Variants in RBFOX3 observed in about 807,000 individuals in gnomAD.
RBFOX3 encodes the protein RNA binding protein fox-1 homolog 3.
In RBFOX3, 17 loss-of-function variants were observed where a neutral mutation model predicts 48.7. The ratio of observed to expected loss-of-function variants is 0.35; its 90% CI spans 0.24 to 0.52. The LOEUF (loss-of-function observed/expected upper bound fraction) is 0.52, where lower values mean the gene tolerates loss of function less well. Ranked by LOEUF, RBFOX3 falls within the 20% of genes least tolerant of loss-of-function variation. RBFOX3 has a pLI of 0.94. For missense variants in RBFOX3, 382 were observed against 497.5 expected, an observed-to-expected ratio of 0.77 and a Z score of 2.21; for synonymous variants, 212 against 209.5, an observed-to-expected ratio of 1.01 and a Z score of -0.10.
intron 3 of RBFOX3, among the ~76,000 whole-genome samples, chr17:79,304,727 G>A (rs1170038790): frequency 1.3e-5 from 2 of 152,176 alleles, no homozygotes; most frequent in African/African-American, 4.8e-5. Context: ...CCCCAGGGGA[G>A]AAAAGATGAT....
chr17:79,211,446 C>A (rs904682609), intron 4 of RBFOX3, among the ~76,000 whole-genome samples: 3 of 152,210 alleles, frequency 2.0e-5, no homozygotes, highest in African/African-American at 7.2e-5. Context: ...CAACTTCTTT[C>A]CATAATTAAG....
intron 2 of RBFOX3, among the ~76,000 whole-genome samples, chr17:79,454,635 C>T (rs2074166710): frequency 6.6e-6 from 1 of 152,192 alleles, no homozygotes; most frequent in Non-Finnish European, 1.5e-5. Context: ...TGCATTACCA[C>T]ACAGGGAGAA....
chr17:79,386,953 T>C (rs374231620), intron 2 of RBFOX3, among the ~76,000 whole-genome samples: 140 of 152,346 alleles, frequency 9.2e-4, no homozygotes, highest in Middle Eastern at 3.4e-3. Context: ...AACTCAGAAT[T>C]GGAAGGTAGA....
At chr17:79,229,870 G>C (rs1296626174) in intron 4 of RBFOX3, among the ~76,000 whole-genome samples, 1 of 152,202 alleles carries the variant, frequency 6.6e-6, no homozygotes, top group African/African-American at 2.4e-5. Flanking sequence ...CTGTAGAATA[G>C]GGACACCATT....
At chr17:79,645,983 C>T in the RBFOX3 span, among the ~76,000 whole-genome samples, 16 of 152,294 alleles carry the variant, frequency 1.1e-4, no homozygotes, top group Middle Eastern at 0.01. Flanking sequence ...CCTCTCTTTA[C>T]ATCCACCTCT....
At chr17:79,447,712 C>G (rs782347857) in intron 2 of RBFOX3, among the ~76,000 whole-genome samples, 1 of 152,218 alleles carries the variant, frequency 6.6e-6, no homozygotes, top group Non-Finnish European at 1.5e-5. Context: ...GGCTCCTTCT[C>G]TCTCTGAAGC....
chr17:79,173,940 C>T (rs985369622), intron 4 of RBFOX3, among the ~76,000 whole-genome samples: 3 of 151,796 alleles, frequency 2.0e-5, no homozygotes, highest in Non-Finnish European at 4.4e-5. Flanking sequence ...GGGGTGTCAG[C>T]GACCTCTTAG....
the RBFOX3 span, among the ~76,000 whole-genome samples, chr17:79,664,893 C>T: frequency 1.3e-5 from 2 of 152,256 alleles, no homozygotes; most frequent in Admixed American, 1.3e-4. Flanking sequence ...TTTCACTTAG[C>T]ATAATGTCCT....
chr17:79,450,041 CAGAA>C (rs2073171172), intron 2 of RBFOX3, among the ~76,000 whole-genome samples: 1 of 152,084 alleles, frequency 6.6e-6, no homozygotes, highest in South Asian at 2.1e-4. Context: ...TGTGAAGAGG[CAGAA>C]AGAGAGACCG....
intron 2 of RBFOX3, among the ~76,000 whole-genome samples, chr17:79,406,198 C>T (rs2063511117): frequency 6.6e-6 from 1 of 152,162 alleles, no homozygotes; most frequent in South Asian, 2.1e-4. Flanking sequence ...ATTATTTTCT[C>T]ATTCTTTATG....
chr17:79,107,382 C>T (rs1359615884), intron 5 of RBFOX3, among the ~76,000 whole-genome samples: 2 of 152,330 alleles, frequency 1.3e-5, no homozygotes, highest in South Asian at 2.1e-4. Context: ...CAAGTCCAGT[C>T]CTCTATAGCC....
At chr17:79,505,569 T>G (rs1419900181) in intron 1 of RBFOX3, among the ~76,000 whole-genome samples, 1 of 152,196 alleles carries the variant, frequency 6.6e-6, no homozygotes, top group Non-Finnish European at 1.5e-5. Context: ...TGGCGGAGTC[T>G]GCTTCTGGGA....
chr17:79,526,338 C>T (rs943832530), intron 1 of RBFOX3, among the ~76,000 whole-genome samples: 21 of 152,318 alleles, frequency 1.4e-4, no homozygotes, highest in Admixed American at 7.8e-4. Context: ...ATCTACGAAA[C>T]GGGACCAGGC....
the RBFOX3 span, among the ~76,000 whole-genome samples, chr17:79,616,236 G>C: frequency 6.6e-6 from 1 of 152,092 alleles, no homozygotes; most frequent in Non-Finnish European, 1.5e-5. Flanking sequence ...TAACCTCCTT[G>C]TTAAGAATGG....
intron 3 of RBFOX3, among the ~76,000 whole-genome samples, chr17:79,274,795 G>A (rs2068420856): frequency 6.6e-6 from 1 of 152,010 alleles, no homozygotes; most frequent in African/African-American, 2.4e-5. Context: ...GGCACGCTTG[G>A]CTCCTGCCCA....
In RBFOX3 at chr17:79,481,997, G is replaced by A. The variant is rs2078849753; in HGVS notation, c.-175+457C>T. Among the ~76,000 whole-genome samples, 1 of 152,106 alleles carries A rather than the reference G, an allele frequency of 6.6e-6. No individual in the cohort carries two copies. The highest frequency in any genetic ancestry group is 6.5e-5 in the Admixed American group (1 of 15,274). On this transcript the variant is annotated intron_variant, in intron 2 of 14. Coordinates refer to ENST00000693108, the MANE Select transcript of RBFOX3 (RefSeq NM_001350451.2). The surrounding 1 kb of genome is among the most constrained non-coding windows in gnomAD (Gnocchi z 5.4). ...GAACGGCAGTCACCCTCTCGGGGTGGGAACAGAGGCATCATGCCGTCCCCT... is the reference window on the plus strand; with the variant it reads ...GAACGGCAGTCACCCTCTCGGGGTGAGAACAGAGGCATCATGCCGTCCCCT...
At chr17:79,378,467 A>G (rs1283232590) in intron 2 of RBFOX3, among the ~76,000 whole-genome samples, 1 of 152,224 alleles carries the variant, frequency 6.6e-6, no homozygotes, top group Non-Finnish European at 1.5e-5. Flanking sequence ...AGAGCATTAA[A>G]AAATATCGCA....
At chr17:79,315,869 G>C (rs937756027) in intron 2 of RBFOX3, among the ~76,000 whole-genome samples, 5 of 152,202 alleles carry the variant, frequency 3.3e-5, no homozygotes, top group African/African-American at 1.2e-4. Flanking sequence ...GAAGGGGCTG[G>C]GGAGAGGCCT....
chr17:79,239,992 T>C (rs1357205894), intron 3 of RBFOX3, among the ~76,000 whole-genome samples: 2 of 152,338 alleles, frequency 1.3e-5, no homozygotes, highest in Admixed American at 1.3e-4. Flanking sequence ...GGCCCCTTGA[T>C]TCCACCTGGC....
Sources: gnomAD v4.1 joint callset for allele counts (sites outside exome capture counted in the v4.1 genomes callset) on GRCh38, gnomAD v4.1.1 for gene constraint, Gnocchi (gnomAD v3.1) non-coding constraint, MANE v1.5 for transcripts, NCBI Gene and HGNC (gene_info 2026-07-23, HGNC 2026-07-21) for gene names.